The following PCDHA8 variants were observed in gnomAD, a reference collection of about 807,000 sequenced individuals.
The protein encoded by PCDHA8 is protocadherin alpha-8.
In PCDHA8, 53 loss-of-function variants were observed where a neutral mutation model predicts 61.8. The ratio of observed to expected loss-of-function variants is 0.86; its 90% CI spans 0.69 to 1.08. The LOEUF is 1.08. Ranked by LOEUF, PCDHA8 falls within the 50% of genes least tolerant of loss-of-function variation. The pLI, the probability that PCDHA8 is intolerant of heterozygous loss-of-function variation, is 0.00. For synonymous variants in PCDHA8, 618 were observed against 556.6 expected, an observed-to-expected ratio of 1.11 and a Z score of -1.55; for missense variants, 1,293 against 1,245.0, an observed-to-expected ratio of 1.04 and a Z score of -0.58.
At chr5:140,994,157 G>A (rs958405989) in intron 3 of PCDHA8, among the ~76,000 whole-genome samples, 1 of 152,198 alleles carries the variant, frequency 6.6e-6, no homozygotes, top group Non-Finnish European at 1.5e-5. Context: ...TAGGGTCAAC[G>A]AAGGGGAAGG....
At chr5:140,941,334 T>C (rs1398027134) in intron 1 of PCDHA8, among the ~76,000 whole-genome samples, 2 of 133,354 alleles carry the variant, frequency 1.5e-5, no homozygotes, top group African/African-American at 5.5e-5. Flanking sequence ...TTTTTTTTTT[T>C]CAGATGGAGT....
chr5:140,851,268 G>T lies in PCDHA8; in HGVS notation c.2394+7553G>T, dbSNP rs2042007881. ...TGATGCATAGTATTTTAGTCTACTT[G>T]TATTGTTTATAAGAAACCCAAGCAA... On this transcript the variant is annotated intron_variant, in intron 1 of 3. Transcript: ENST00000531613. 2.8e-6 allele frequency: 3 copies of T among 1,069,204 alleles called. No homozygotes were observed. In the East Asian group the frequency reaches 1.3e-4, roughly 48 times the overall value. 66.2% of individuals were successfully genotyped at this position (1,069,204 alleles called of 1,614,324 possible).
At chr5:141,004,833 C>A (rs1421886072) in intron 3 of PCDHA8, among the ~76,000 whole-genome samples, 1 of 152,168 alleles carries the variant, frequency 6.6e-6, no homozygotes, top group Non-Finnish European at 1.5e-5. Flanking sequence ...TTAGATAGAT[C>A]AAAGTCATTA....
At position 140,843,458 on chromosome 5, in the gene PCDHA8, C is replaced by T; in HGVS notation, c.2137C>T (p.Leu713Phe). ...AICAVSSLLVLTLLLYTALRC... is the reference protein window; with the variant it reads ...AICAVSSLLVFTLLLYTALRC... ...CTGCGCGGTATCCAGCCTGCTGGTG[C>T]TCACGCTGCTGCTGTACACTGCGCT... Residue 713 changes from leucine to phenylalanine, a missense_variant, in exon 1 of 4, where the codon CTC becomes TTC. Leu to Phe is a conservative substitution (Grantham distance 22, BLOSUM62 0). Coordinates refer to ENST00000531613, the MANE Select transcript of PCDHA8 (RefSeq NM_018911.3). 1 of 1,596,092 alleles carries T rather than the reference C, an allele frequency of 6.3e-7. No homozygotes were observed. Among genetic ancestry groups the T allele is most frequent in the Non-Finnish European group, 8.6e-7 (1 of 1,165,640 alleles).
chr5:140,936,235 GA>G (rs1358431789), intron 1 of PCDHA8, among the ~76,000 whole-genome samples: 2 of 152,076 alleles, frequency 1.3e-5, no homozygotes, highest in African/African-American at 4.8e-5. Context: ...TCCTTTTAAA[GA>G]AAACATATCC....
chr5:140,967,858 G>C lies in PCDHA8; in HGVS notation c.2395-11091G>C, dbSNP rs2096190865. ...TGGACGTGAATGACAATGCCCCAGA[G>C]GTGGTGCTCACGGACCTGTATAGCC... On this transcript the variant is annotated intron_variant, in intron 1 of 3. Coordinates refer to ENST00000531613, the MANE Select transcript of PCDHA8 (RefSeq NM_018911.3). 6 of 1,614,166 alleles carry C rather than the reference G, an allele frequency of 3.7e-6. No homozygotes were observed. The East Asian group carries it at 1.3e-4, about 36-fold the overall frequency.
chr5:140,969,389 A>G (rs1554231753), intron 1 of PCDHA8: 8 of 1,592,478 alleles, frequency 5.0e-6, no homozygotes, highest in Admixed American at 1.8e-5. Context: ...ACATCCCCCA[A>G]TATCCTGTGA....
chr5:140,847,542 C>T (rs1442885551), intron 1 of PCDHA8: 1 of 149,324 alleles, frequency 6.7e-6, no homozygotes, highest in African/African-American at 2.5e-5. Flanking sequence ...TCAAGCATAG[C>T]TTTAAAAACA....
chr5:140,871,292 C>A (rs2052919411), intron 1 of PCDHA8: 2 of 1,613,772 alleles, frequency 1.2e-6, no homozygotes, highest in Non-Finnish European at 8.5e-7. Flanking sequence ...ACTGAGGGCG[C>A]GTGCGCGCCG....
chr5:140,877,737 G>A, intron 1 of PCDHA8: 6 of 1,614,176 alleles, frequency 3.7e-6, no homozygotes, highest in Non-Finnish European at 5.1e-6. Flanking sequence ...AGCAGAGGAG[G>A]CAGAGGGTGT....
At chr5:140,929,207 G>A (rs782298445) in intron 1 of PCDHA8, 6 of 1,614,104 alleles carry the variant, frequency 3.7e-6, no homozygotes, top group East Asian at 2.2e-5. Flanking sequence ...TTGCTGTTGC[G>A]TGGGGAGTAC....
chr5:140,859,686 T>C (rs2045967077), intron 1 of PCDHA8: 1 of 154,726 alleles, frequency 6.5e-6, no homozygotes, highest in African/African-American at 2.4e-5. Context: ...AAAATTAAAA[T>C]TATTGTTCAA....
chr5:140,880,742 G>A, intron 1 of PCDHA8, among the ~76,000 whole-genome samples: 1 of 152,208 alleles, frequency 6.6e-6, no homozygotes, highest in East Asian at 1.9e-4. Flanking sequence ...AAAATGGATT[G>A]TCAGTGTAAC....
chr5:140,916,621 C>T (rs1031371866), intron 1 of PCDHA8, among the ~76,000 whole-genome samples: 8 of 152,200 alleles, frequency 5.3e-5, no homozygotes, highest in Non-Finnish European at 1.2e-4. Flanking sequence ...TGACTCTACT[C>T]AATGCCCTAT....
Position 140,850,298 on chromosome 5 carries a change from G to C in PCDHA8, c.2394+6583G>C, listed in dbSNP as rs200693140. ...AGGTGCGCGCAGTGGACGCCGACTCGGGCTACAACGCGTGGCTTTCATACG... is the reference window on the plus strand; with the variant it reads ...AGGTGCGCGCAGTGGACGCCGACTCCGGCTACAACGCGTGGCTTTCATACG... On this transcript the variant is annotated intron_variant, in intron 1 of 3. Coordinates refer to ENST00000531613, the MANE Select transcript of PCDHA8 (RefSeq NM_018911.3). The C allele has an allele frequency of 4.2e-5, 67 of 1,596,354 alleles. 8 individuals are homozygous for C. Among genetic ancestry groups the C allele is most frequent in the Middle Eastern group, 3.9e-4 (2 of 5,190 alleles).
At chr5:140,937,829 A>G (rs1305110198) in intron 1 of PCDHA8, among the ~76,000 whole-genome samples, 2 of 148,988 alleles carry the variant, frequency 1.3e-5, no homozygotes, top group African/African-American at 2.5e-5. Context: ...GGAGAATGGC[A>G]TGAACCTGGA....
chr5:140,906,050 G>T (rs560570961), intron 1 of PCDHA8, among the ~76,000 whole-genome samples: 2 of 152,268 alleles, frequency 1.3e-5, no homozygotes, highest in African/African-American at 4.8e-5. Flanking sequence ...TATTCTGGCT[G>T]CACTGGCAGC....
At chr5:140,966,539 T>C in intron 1 of PCDHA8, 1 of 462,182 alleles carries the variant, frequency 2.2e-6, no homozygotes, top group South Asian at 5.8e-5. Flanking sequence ...GTTGAGCGAC[T>C]CGGAGGCGAG....
At chr5:140,963,693 A>G (rs782642148) in intron 1 of PCDHA8, among the ~76,000 whole-genome samples, 15 of 152,210 alleles carry the variant, frequency 9.9e-5, no homozygotes, top group Non-Finnish European at 2.2e-4. Context: ...TCCGTGTTTG[A>G]TATCTAAAGG....
Sources: gnomAD v4.1 joint callset for allele counts (sites outside exome capture counted in the v4.1 genomes callset) on GRCh38, gnomAD v4.1.1 for gene constraint, MANE v1.5 for transcripts, NCBI Gene and HGNC (gene_info 2026-07-23, HGNC 2026-07-21) for gene names.